MOB3B: variants seen among roughly 807,000 people sequenced by gnomAD.
MOB3B encodes the protein MOB kinase activator 3B.
A neutral mutation model predicts 18.7 loss-of-function variants in MOB3B; 7 were observed. The observed-to-expected ratio is 0.37, with a 90% CI of 0.21 to 0.70. The LOEUF (loss-of-function observed/expected upper bound fraction) is 0.70, where lower values mean the gene tolerates loss of function less well. Ranked by LOEUF, MOB3B falls within the 30% of genes least tolerant of loss-of-function variation. The probability of loss-of-function intolerance (pLI) is 0.52; values close to 1 mark genes in which losing one functional copy is unlikely to be tolerated. For missense variants in MOB3B, 253 were observed against 281.3 expected (o/e 0.90, Z 0.72); for synonymous variants, 111 against 99.9 (o/e 1.11, Z -0.66).
At chr9:27,347,833 T>C (rs1231866046) in intron 3 of MOB3B, among the ~76,000 whole-genome samples, 4 of 152,244 alleles carry the variant, frequency 2.6e-5, no homozygotes, top group Admixed American at 6.5e-5. Context: ...AGTAACATGC[T>C]GTACAGGTTT....
At chr9:27,510,832 C>G (rs1054333510) in intron 1 of MOB3B, among the ~76,000 whole-genome samples, 1 of 152,222 alleles carries the variant, frequency 6.6e-6, no homozygotes, top group Non-Finnish European at 1.5e-5. Context: ...AAGTTCCACA[C>G]AGTGGGGGTC....
chr9:27,408,897 C>T (rs1822024632), intron 2 of MOB3B, among the ~76,000 whole-genome samples: 1 of 152,174 alleles, frequency 6.6e-6, no homozygotes, highest in Admixed American at 6.5e-5. Flanking sequence ...GAGGAACTCA[C>T]CCCTCTCCTG....
At chr9:27,342,541 C>T (rs1246889097) in intron 3 of MOB3B, among the ~76,000 whole-genome samples, 1 of 152,106 alleles carries the variant, frequency 6.6e-6, no homozygotes, top group Non-Finnish European at 1.5e-5. Flanking sequence ...GTACTGCCGC[C>T]ATCTTGGCTC....
intron 2 of MOB3B, among the ~76,000 whole-genome samples, chr9:27,436,917 C>T (rs1822510064): frequency 6.6e-6 from 1 of 150,402 alleles, no homozygotes; most frequent in Non-Finnish European, 1.5e-5. Context: ...ATGCAAAAAT[C>T]CAGGGCCAAG....
intron 2 of MOB3B, among the ~76,000 whole-genome samples, chr9:27,386,243 A>G (rs1821648956): frequency 6.6e-6 from 1 of 152,186 alleles, no homozygotes; most frequent in African/African-American, 2.4e-5. Context: ...GGGGACAGTG[A>G]CTGTTCCTAT....
At chr9:27,431,607 A>G (rs1018618174) in intron 2 of MOB3B, among the ~76,000 whole-genome samples, 15 of 152,198 alleles carry the variant, frequency 9.9e-5, no homozygotes, top group Non-Finnish European at 1.0e-4. Flanking sequence ...AACACTGATG[A>G]CTGACAGCCA....
chr9:27,384,591 C>A (rs1821624856), intron 2 of MOB3B, among the ~76,000 whole-genome samples: 1 of 152,208 alleles, frequency 6.6e-6, no homozygotes, highest in African/African-American at 2.4e-5. Context: ...CAGAACAATT[C>A]TTCCAGAACA....
At chr9:27,428,958 C>A (rs1273002440) in intron 2 of MOB3B, among the ~76,000 whole-genome samples, 1 of 152,232 alleles carries the variant, frequency 6.6e-6, no homozygotes, top group Non-Finnish European at 1.5e-5. Context: ...GGACTATACT[C>A]AGATATGTTA....
intron 3 of MOB3B, among the ~76,000 whole-genome samples, chr9:27,338,751 C>T (rs1820899483): frequency 6.6e-6 from 1 of 152,180 alleles, no homozygotes; most frequent in African/African-American, 2.4e-5. Context: ...GGCTGGCTCC[C>T]CACTTCCTGT....
At chr9:27,351,430 C>T (rs1821104345) in intron 3 of MOB3B, among the ~76,000 whole-genome samples, 1 of 152,202 alleles carries the variant, frequency 6.6e-6, no homozygotes, top group Non-Finnish European at 1.5e-5. Flanking sequence ...TGCCTTGCCC[C>T]ATGTGGTAAC....
At chr9:27,361,173 T>C (rs1821269816) in intron 2 of MOB3B, among the ~76,000 whole-genome samples, 1 of 152,220 alleles carries the variant, frequency 6.6e-6, no homozygotes, top group African/African-American at 2.4e-5. Flanking sequence ...GTTTTATTAT[T>C]CCTATTAATG....
At chr9:27,415,159 C>T (rs1300715999) in intron 2 of MOB3B, among the ~76,000 whole-genome samples, 1 of 152,124 alleles carries the variant, frequency 6.6e-6, no homozygotes, top group African/African-American at 2.4e-5. Context: ...CCACGCCCAG[C>T]CCTCTAACCA....
chr9:27,524,512 G>A (rs1160759529), intron 1 of MOB3B: 1 of 1,613,970 alleles, frequency 6.2e-7, no homozygotes, highest in East Asian at 2.2e-5. Flanking sequence ...CCTGTAGAAT[G>A]TCTACGAGAA....
At chr9:27,361,012 G>A (rs879858522) in intron 2 of MOB3B, among the ~76,000 whole-genome samples, 5 of 152,196 alleles carry the variant, frequency 3.3e-5, no homozygotes, top group South Asian at 2.1e-4. Context: ...CACTGGGGGC[G>A]GGTCTGGAGT....
In MOB3B at chr9:27,437,554, A is replaced by G. The variant is rs911698772; in HGVS notation, c.418+17579T>C. Among the ~76,000 whole-genome samples the G allele has an allele frequency of 2.6e-5, 4 of 152,202 alleles. No homozygotes were observed. In the East Asian group the frequency reaches 7.7e-4, roughly 29 times the overall value. On this transcript the variant is annotated intron_variant, in intron 2 of 3. Transcript: ENST00000262244. ...GTCATTGATGAATATGACGAATATA[A>G]TCTAGCTGATGGACATTAAAAAAAT... is the stretch of plus-strand genomic sequence containing the variant.
intron 1 of MOB3B, among the ~76,000 whole-genome samples, chr9:27,517,570 C>T (rs1820255836): frequency 6.9e-6 from 1 of 144,784 alleles, no homozygotes; most frequent in African/African-American, 2.5e-5. Flanking sequence ...ATTGCTTGAG[C>T]CCGGGAGACG....
At chr9:27,407,071 T>C (rs1821992397) in intron 2 of MOB3B, among the ~76,000 whole-genome samples, 1 of 152,064 alleles carries the variant, frequency 6.6e-6, no homozygotes, top group Admixed American at 6.6e-5. Context: ...ACTCCTGACC[T>C]CGTGATTCAC....
chr9:27,445,077 T>A (rs1822669550), intron 2 of MOB3B, among the ~76,000 whole-genome samples: 1 of 152,168 alleles, frequency 6.6e-6, no homozygotes, highest in Non-Finnish European at 1.5e-5. Flanking sequence ...TAAATAAATG[T>A]GCAAAGGTAC....
At chr9:27,447,793 G>C (rs1822717145) in intron 2 of MOB3B, among the ~76,000 whole-genome samples, 1 of 152,210 alleles carries the variant, frequency 6.6e-6, no homozygotes, top group South Asian at 2.1e-4. Context: ...GTGGGGAACT[G>C]TGACCATCAT....
Sources: gnomAD v4.1 joint callset for allele counts (sites outside exome capture counted in the v4.1 genomes callset) on GRCh38, gnomAD v4.1.1 for gene constraint, MANE v1.5 for transcripts, NCBI Gene and HGNC (gene_info 2026-07-23, HGNC 2026-07-21) for gene names.